Variants in PCDHGA6 observed in about 807,000 individuals in gnomAD.
PCDHGA6 encodes the protein protocadherin gamma subfamily A, 6.
PCDHGA6 carries 41 observed loss-of-function variants against 60.6 expected under a neutral mutation model. The observed-to-expected ratio is 0.68, with a 90% CI of 0.53 to 0.88. The LOEUF (loss-of-function observed/expected upper bound fraction) is 0.88. Among genes scored for constraint, PCDHGA6 ranks in the 40% least tolerant of loss-of-function variants. The pLI is 0.00. For synonymous variants in PCDHGA6, 594 were observed against 524.4 expected (o/e 1.13, Z -1.81); for missense variants, 1,312 against 1,203.0 (o/e 1.09, Z -1.34).
In PCDHGA6 at chr5:141,485,615, C is replaced by G; in HGVS notation, c.2425-9192C>G. ...CTTGGAAATTGGGGAGGCAGCTCCTCCAGGACAGCGTTTCCCGTTGGAAAA... is the reference window on the plus strand; with the variant it reads ...CTTGGAAATTGGGGAGGCAGCTCCTGCAGGACAGCGTTTCCCGTTGGAAAA... On this transcript the variant is annotated intron_variant, in intron 1 of 3. Coordinates refer to ENST00000517434, the MANE Select transcript of PCDHGA6 (RefSeq NM_018919.3). This position sits in a 1 kb window ranked among gnomAD's most constrained non-coding sequence, Gnocchi z 5.7. 6.2e-7 allele frequency: 1 copy of G among 1,612,250 alleles called. No individual in the cohort carries two copies. The highest frequency in any genetic ancestry group is 1.3e-5 in the African/African-American group (1 of 74,992).
At chr5:141,418,000 G>T in intron 1 of PCDHGA6, 1 of 1,613,902 alleles carries the variant, frequency 6.2e-7, no homozygotes, top group Non-Finnish European at 8.5e-7. Context: ...GCTCGGTGGT[G>T]GGGAACCTCG....
At position 141,493,332 on chromosome 5, in the gene PCDHGA6, C is replaced by T. The variant is rs2099747680; in HGVS notation, c.2425-1475C>T. 6.6e-6 allele frequency among the ~76,000 whole-genome samples: 1 copy of T among 152,210 alleles called. No homozygotes were observed. The highest frequency in any genetic ancestry group is 1.5e-5 in the Non-Finnish European group (1 of 68,036). Reference sequence around the variant, plus strand: ...AAGAGAGATTCTAACCCCTGTCTAACTCCAGAATGTGTGCTTTTAATTTCT... The same window carrying T: ...AAGAGAGATTCTAACCCCTGTCTAATTCCAGAATGTGTGCTTTTAATTTCT... On this transcript the variant is annotated intron_variant, in intron 1 of 3. Transcript: ENST00000517434. This position sits in a 1 kb window ranked among gnomAD's most constrained non-coding sequence, Gnocchi z 4.3.
intron 1 of PCDHGA6, among the ~76,000 whole-genome samples, chr5:141,455,489 A>T (rs925133619): frequency 3.9e-5 from 6 of 152,152 alleles, no homozygotes; most frequent in African/African-American, 4.8e-5. Context: ...GGTGGAGGTG[A>T]TGTCTGATTT....
Position 141,405,224 on chromosome 5 carries a change from T to C in PCDHGA6, c.2424+28717T>C, listed in dbSNP as rs542102197. Reference sequence around the variant, plus strand: ...CCTACAGACCTATTCTCAGGAGTTCTCCCTCACCGCTGACTCAAGGAAGAG... The same window carrying C: ...CCTACAGACCTATTCTCAGGAGTTCCCCCTCACCGCTGACTCAAGGAAGAG... On this transcript the variant is annotated intron_variant, in intron 1 of 3. Coordinates refer to ENST00000517434, the MANE Select transcript of PCDHGA6 (RefSeq NM_018919.3). The C allele has an allele frequency of 2.6e-5, 42 of 1,614,036 alleles. No homozygotes were observed. The African/African-American group carries it at 4.7e-4, about 18-fold the overall frequency.
chr5:141,420,242 A>T (rs1241562871), intron 1 of PCDHGA6: 1 of 1,586,666 alleles, frequency 6.3e-7, no homozygotes, highest in Non-Finnish European at 8.6e-7. Context: ...TTTAACTCCC[A>T]GCGTTGAAGC....
chr5:141,429,765 T>C (rs897963458), intron 1 of PCDHGA6, among the ~76,000 whole-genome samples: 1 of 152,230 alleles, frequency 6.6e-6, no homozygotes, highest in East Asian at 1.9e-4. Flanking sequence ...TTTCCCTATA[T>C]TTTGATGGGC....
chr5:141,474,505 A>G (rs2099350724), intron 1 of PCDHGA6, among the ~76,000 whole-genome samples: 2 of 152,248 alleles, frequency 1.3e-5, no homozygotes, highest in Admixed American at 6.5e-5. Context: ...AATGCCTATC[A>G]GCCCTCTTGC....
At chr5:141,390,859 T>C (rs951468573) in intron 1 of PCDHGA6, 3 of 151,114 alleles carry the variant, frequency 2.0e-5, no homozygotes, top group Admixed American at 1.3e-4. Flanking sequence ...CAGTGTACGC[T>C]GTGTGTGCGT....
rs146235929 is a variant in PCDHGA6 at position 141,511,610 on chromosome 5, C to A, written c.*437C>A. On this transcript the variant is annotated 3_prime_UTR_variant, in exon 4 of 4. Transcript: ENST00000517434. ...GAAGTACCAAGTAACCTACAAGCCT[C>A]CTAGTTCTGAAAAGTTGGAAGGGCA... 1.0e-3 allele frequency: 247 copies of A among 237,682 alleles called. 1 individual carries two copies. The highest frequency in any genetic ancestry group is 5.2e-3 in the African/African-American group (235 of 45,400). The allele number at this position is 237,682 out of a possible 1,614,324, so 14.7% of individuals were successfully genotyped here. A position where few individuals can be genotyped will look rare whatever the true frequency, so the allele number is the denominator to read the frequency against.
chr5:141,491,823 C>T lies in PCDHGA6; in HGVS notation c.2425-2984C>T, dbSNP rs1242708273. On this transcript the variant is annotated intron_variant, in intron 1 of 3. Transcript: ENST00000517434. The surrounding 1 kb of genome is among the most constrained non-coding windows in gnomAD (Gnocchi z 6.9). ...GCCGGCTTGGTCGCTGGCTGCGCTC[C>T]ACCCGATTCTCGGGATCATTGGACC... The T allele has an allele frequency of 2.7e-6, 4 of 1,479,038 alleles. No homozygotes were observed. Among genetic ancestry groups the T allele is most frequent in the Non-Finnish European group, 3.6e-6 (4 of 1,115,300 alleles). 91.6% of individuals were successfully genotyped at this position (1,479,038 alleles called of 1,614,324 possible).
intron 2 of PCDHGA6, among the ~76,000 whole-genome samples, chr5:141,497,809 G>A (rs1256990692): frequency 1.3e-5 from 2 of 152,190 alleles, no homozygotes. Context: ...CAAAGTGCTA[G>A]AATTACAGGT....
intron 1 of PCDHGA6, among the ~76,000 whole-genome samples, chr5:141,469,172 A>C (rs1310781965): frequency 6.6e-6 from 1 of 152,050 alleles, no homozygotes; most frequent in Admixed American, 6.6e-5. Context: ...GCTACTTGGG[A>C]GGCTGAGGCA....
chr5:141,376,561 A>G (rs780141155), intron 1 of PCDHGA6, 54 bp downstream of exon 1: 3 of 1,608,212 alleles, frequency 1.9e-6, no homozygotes, highest in South Asian at 1.1e-5. Context: ...CCGCAACCCA[A>G]CTAATCAGAC....
At chr5:141,418,811 A>C in intron 1 of PCDHGA6, 1 of 1,613,916 alleles carries the variant, frequency 6.2e-7, no homozygotes. Context: ...ATATACGATA[A>C]ACATAGAAGC....
At chr5:141,438,633 TATACAC>T (rs1275936248) in intron 1 of PCDHGA6, among the ~76,000 whole-genome samples, 1,035 of 33,718 alleles carry the variant, frequency 0.031, 6 homozygotes, top group African/African-American at 0.063. Context: ...TATATATATA[TATACAC>T]ACACACACAC....
At chr5:141,472,980 C>CAAAAAAAAAAAA (rs60579131) in intron 1 of PCDHGA6, among the ~76,000 whole-genome samples, 2 of 86,098 alleles carry the variant, frequency 2.3e-5, no homozygotes, top group African/African-American at 3.9e-5. Context: ...GAGTGAAACT[C>CAAAAAAAAAAAA]AAAAAAAAAA....
chr5:141,478,155 G>A (rs138384601), intron 1 of PCDHGA6: 1 of 1,613,992 alleles, frequency 6.2e-7, no homozygotes, highest in Non-Finnish European at 8.5e-7. Context: ...TTCCCCTCTG[G>A]CTCTGCCCCC....
rs1771752072 is a variant in PCDHGA6, at chr5:141,375,685, C to A, written c.1602C>A (p.Ala534=). The change falls in exon 1 of 4, where the codon GCC becomes GCA. Residue 534 remains alanine (A), a synonymous_variant. Coordinates refer to ENST00000517434, the MANE Select transcript of PCDHGA6 (RefSeq NM_018919.3). ...QLRDLQLWVT[A]SDSGDPPLSS... ...GAGACCTACAGCTGTGGGTGACAGC[C>A]AGCGACAGCGGGGACCCGCCTCTTA... 6.2e-7 allele frequency: 1 copy of A among 1,614,144 alleles called. No individual in the cohort carries two copies. The highest frequency in any genetic ancestry group is 8.5e-7 in the Non-Finnish European group (1 of 1,180,052).
At chr5:141,430,781 C>G in intron 1 of PCDHGA6, 8 of 1,510,922 alleles carry the variant, frequency 5.3e-6, no homozygotes, top group Non-Finnish European at 7.1e-6. Context: ...GCGACTGCAC[C>G]GGGACTACAA....
Sources: allele counts gnomAD v4.1 joint callset (sites outside exome capture counted in the v4.1 genomes callset), GRCh38; gene constraint gnomAD v4.1.1; non-coding constraint Gnocchi (gnomAD v3.1); transcripts MANE v1.5; gene names NCBI Gene and HGNC (gene_info 2026-07-23, HGNC 2026-07-21).